Variants in WSCD2 observed in about 807,000 individuals in gnomAD.
The protein encoded by WSCD2 is sialate:O-sulfotransferase 2.
Under a neutral mutation model 55.7 loss-of-function variants are expected in WSCD2, and 28 were observed. The observed-to-expected ratio is 0.50, with a 90% CI of 0.37 to 0.69. The LOEUF is 0.69. WSCD2 is among the 30% of genes least tolerant of loss of function. The pLI is 0.00. For missense variants in WSCD2, 616 were observed against 762.1 expected (o/e 0.81, Z 2.26); for synonymous variants, 301 against 301.9 (o/e 1.00, Z 0.03).
At chr12:108,166,496 A>G (rs534800797) in intron 1 of WSCD2, among the ~76,000 whole-genome samples, 1 of 152,156 alleles carries the variant, frequency 6.6e-6, no homozygotes, top group Non-Finnish European at 1.5e-5. Context: ...GATTCTGCCA[A>G]GGTTAAATGG....
intron 6 of WSCD2, 101 bp downstream of exon 6, chr12:108,227,265 G>A (rs1052545101): frequency 1.4e-6 from 2 of 1,401,270 alleles, no homozygotes; most frequent in Non-Finnish European, 1.9e-6. Context: ...GCAGCAAGGA[G>A]AAAACCATGC....
At chr12:108,245,453 G>C (rs1890019407) in intron 8 of WSCD2, among the ~76,000 whole-genome samples, 1 of 152,174 alleles carries the variant, frequency 6.6e-6, no homozygotes, top group Non-Finnish European at 1.5e-5. Flanking sequence ...CAGTCAACAA[G>C]GACACTCTGT....
At chr12:108,142,882 A>G (rs1202944892) in intron 1 of WSCD2, among the ~76,000 whole-genome samples, 1 of 151,864 alleles carries the variant, frequency 6.6e-6, no homozygotes, top group Non-Finnish European at 1.5e-5. Context: ...GGTGCTGTCA[A>G]AGCTCACTGC....
At chr12:108,222,961 A>G (rs1887693339) in intron 4 of WSCD2, among the ~76,000 whole-genome samples, 1 of 152,234 alleles carries the variant, frequency 6.6e-6, no homozygotes, top group African/African-American at 2.4e-5. Context: ...GGCTTACGCA[A>G]TTGCGGGAGC....
chr12:108,238,743 G>C (rs1045466256), intron 7 of WSCD2, among the ~76,000 whole-genome samples: 1 of 152,154 alleles, frequency 6.6e-6, no homozygotes, highest in African/African-American at 2.4e-5. Flanking sequence ...TATCTTGAAG[G>C]CTTACTACAA....
In WSCD2 at chr12:108,173,075, G is replaced by A. The variant is rs566380226; in HGVS notation, c.-551-22207G>A. On this transcript the variant is annotated intron_variant, in intron 1 of 8. Coordinates refer to ENST00000547525, the MANE Select transcript of WSCD2 (RefSeq NM_014653.4). ...CTCCACAGACACTGGATCTGCTGGC[G>A]CCTTGATCTTGGACTTCCCAGACTC... is the stretch of plus-strand genomic sequence containing the variant. Among the ~76,000 whole-genome samples, 6 of 152,136 alleles carry A rather than the reference G, an allele frequency of 3.9e-5. No homozygotes were observed. In the South Asian group the frequency reaches 1.0e-3, roughly 26 times the overall value.
chr12:108,204,237 T>A (rs1344607), intron 2 of WSCD2, among the ~76,000 whole-genome samples: 84,481 of 151,720 alleles, frequency 0.56, 23,736 homozygotes, highest in East Asian at 0.6. Context: ...TCTCTCTCTC[T>A]CACACACACA....
chr12:108,173,808 C>CTG lies in WSCD2; in HGVS notation c.-551-21473_-551-21472insGT, dbSNP rs1300986533. Among the ~76,000 whole-genome samples the CTG allele has an allele frequency of 3.5e-3, 351 of 100,924 alleles. 3 individuals are homozygous for CTG. Among genetic ancestry groups the CTG allele is most frequent in the African/African-American group, 0.015 (325 of 22,036 alleles). The allele number at this position is 100,924 out of a possible 152,430, so 66.2% of individuals were successfully genotyped here. On this transcript the variant is annotated intron_variant, in intron 1 of 8. Transcript: ENST00000547525. ...ATTGAGGCAGAGCTGATTCCTGGCT[C>CTG]TCTGTGTGTGTGTGTGTGTGTGTGT...
At chr12:108,209,554 A>G (rs1201844806) in intron 3 of WSCD2, among the ~76,000 whole-genome samples, 1 of 151,992 alleles carries the variant, frequency 6.6e-6, no homozygotes, top group Non-Finnish European at 1.5e-5. Context: ...TGTCTATGTG[A>G]GTAGGTGTAG....
At chr12:108,215,126 A>C (rs889879568) in intron 4 of WSCD2, among the ~76,000 whole-genome samples, 1 of 152,214 alleles carries the variant, frequency 6.6e-6, no homozygotes, top group African/African-American at 2.4e-5. Context: ...GGACCCCATG[A>C]GCTCTTCTCT....
chr12:108,203,834 A>G (rs1455446742), intron 2 of WSCD2, among the ~76,000 whole-genome samples: 1 of 152,198 alleles, frequency 6.6e-6, no homozygotes, highest in East Asian at 1.9e-4. Context: ...CCTCCCCTTC[A>G]GGTCTTGGGG....
At chr12:108,185,408 C>T (rs946944124) in intron 1 of WSCD2, among the ~76,000 whole-genome samples, 5 of 152,146 alleles carry the variant, frequency 3.3e-5, no homozygotes, top group Non-Finnish European at 4.4e-5. Flanking sequence ...CTGCCTGGGA[C>T]ATTCTTGCCC....
At chr12:108,245,918 G>A (rs907110742) in intron 8 of WSCD2, among the ~76,000 whole-genome samples, 8 of 152,204 alleles carry the variant, frequency 5.3e-5, no homozygotes, top group African/African-American at 1.7e-4. Context: ...CAGGGGACTT[G>A]GTGGGGAAGG....
chr12:108,196,685 C>G (rs1883968372), intron 2 of WSCD2, among the ~76,000 whole-genome samples: 1 of 152,224 alleles, frequency 6.6e-6, no homozygotes, highest in African/African-American at 2.4e-5. Context: ...CAAGATTACA[C>G]AGCTAAGTGG....
chr12:108,134,306 T>C (rs1016153104), intron 1 of WSCD2, among the ~76,000 whole-genome samples: 2 of 151,842 alleles, frequency 1.3e-5, no homozygotes, highest in Non-Finnish European at 2.9e-5. Flanking sequence ...CAGGCAAAAC[T>C]TATGCCCCTG....
At chr12:108,156,191 G>A (rs1325514464) in intron 1 of WSCD2, among the ~76,000 whole-genome samples, 1 of 152,142 alleles carries the variant, frequency 6.6e-6, no homozygotes, top group African/African-American at 2.4e-5. Flanking sequence ...GGTTCTTCAC[G>A]AAGAGAAAGG....
intron 1 of WSCD2, among the ~76,000 whole-genome samples, chr12:108,143,832 G>A (rs190854073): frequency 5.9e-5 from 9 of 152,316 alleles, no homozygotes; most frequent in Admixed American, 3.3e-4. Flanking sequence ...CCCAGCTCCT[G>A]TGTCAGTTTA....
intron 2 of WSCD2, among the ~76,000 whole-genome samples, chr12:108,198,582 A>G (rs1884259116): frequency 1.3e-5 from 2 of 152,244 alleles, no homozygotes; most frequent in Non-Finnish European, 2.9e-5. Flanking sequence ...ACTGCCATCA[A>G]TGCTAATAAT....
intron 8 of WSCD2, among the ~76,000 whole-genome samples, chr12:108,241,377 G>A (rs556186681): frequency 1.3e-5 from 2 of 152,226 alleles, no homozygotes; most frequent in African/African-American, 2.4e-5. Flanking sequence ...ATTCTTAACC[G>A]TTCTCAGCCT....
Sources: gnomAD v4.1 joint callset for allele counts (sites outside exome capture counted in the v4.1 genomes callset) on GRCh38, gnomAD v4.1.1 for gene constraint, MANE v1.5 for transcripts, NCBI Gene and HGNC (gene_info 2026-07-23, HGNC 2026-07-21) for gene names.